SGCD: variants seen among roughly 807,000 people sequenced by gnomAD.
The protein encoded by SGCD is sarcoglycan delta.
In SGCD, 18 loss-of-function variants were observed where a neutral mutation model predicts 36.6. That is an observed-to-expected ratio of 0.49 (90% CI 0.34 to 0.73). The LOEUF (loss-of-function observed/expected upper bound fraction) is 0.73. Ranked by LOEUF, SGCD falls within the 30% of genes least tolerant of loss-of-function variation. The pLI, the probability that SGCD is intolerant of heterozygous loss-of-function variation, is 0.01. For synonymous variants in SGCD, 133 were observed against 130.6 expected, an observed-to-expected ratio of 1.02 and a Z score of -0.12; for missense variants, 387 against 346.7, an observed-to-expected ratio of 1.12 and a Z score of -0.92.
At chr5:156,746,575 C>T (rs1756946259) in intron 7 of SGCD, among the ~76,000 whole-genome samples, 1 of 152,146 alleles carries the variant, frequency 6.6e-6, no homozygotes, top group African/African-American at 2.4e-5. Context: ...AATAGATCCA[C>T]ACATATATGC....
In SGCD at chr5:155,876,924, C is replaced by A. The variant is rs146439762; in HGVS notation, c.-282+6500C>A. Among the ~76,000 whole-genome samples, 1,189 of 152,186 alleles carry A rather than the reference C, an allele frequency of 7.8e-3. 16 individuals are homozygous for A. The highest frequency in any genetic ancestry group is 0.027 in the African/African-American group (1,135 of 41,524). On this transcript the variant is annotated intron_variant, in intron 1 of 9. Transcript: ENST00000517913. ...TACTAATTAGAAAGGCTGATAAGAA[C>A]ATGGCACAGTAGAAACCAACTGATA...
At chr5:156,438,452 A>G (rs902593416) in intron 3 of SGCD, among the ~76,000 whole-genome samples, 3 of 152,214 alleles carry the variant, frequency 2.0e-5, no homozygotes, top group Middle Eastern at 3.4e-3. Flanking sequence ...TCTTTTTCAA[A>G]AGGTTGTTTT....
intron 3 of SGCD, among the ~76,000 whole-genome samples, chr5:156,414,083 A>G (rs1440977295): frequency 1.3e-5 from 2 of 152,210 alleles, no homozygotes; most frequent in African/African-American, 2.4e-5. Context: ...AGACTATAAC[A>G]TGGTGTCTTG....
At chr5:155,954,743 G>A (rs1389969977) in intron 1 of SGCD, among the ~76,000 whole-genome samples, 1 of 152,072 alleles carries the variant, frequency 6.6e-6, no homozygotes, top group Admixed American at 6.5e-5. Flanking sequence ...ACCAGAGAAA[G>A]AGAACTAACA....
chr5:155,796,618 A>G, the SGCD span, among the ~76,000 whole-genome samples: 1 of 151,932 alleles, frequency 6.6e-6, no homozygotes, highest in Non-Finnish European at 1.5e-5. Context: ...AGCCTGACCA[A>G]CATGGAGAAA....
chr5:156,609,689 A>G (rs1353190010), intron 6 of SGCD, among the ~76,000 whole-genome samples: 1 of 152,194 alleles, frequency 6.6e-6, no homozygotes, highest in Admixed American at 6.5e-5. Context: ...CACCAATCAG[A>G]CATAGATTTG....
intron 1 of SGCD, among the ~76,000 whole-genome samples, chr5:155,937,643 G>C (rs1243352466): frequency 2.6e-5 from 4 of 152,156 alleles, no homozygotes; most frequent in Non-Finnish European, 5.9e-5. Context: ...TGGATATTCA[G>C]AGCACTGTGG....
intron 3 of SGCD, among the ~76,000 whole-genome samples, chr5:156,157,515 T>C (rs536599440): frequency 6.6e-6 from 1 of 151,912 alleles, no homozygotes; most frequent in Admixed American, 6.5e-5. Context: ...ACTATTCCCT[T>C]ATTTCCACTT....
intron 3 of SGCD, among the ~76,000 whole-genome samples, chr5:156,424,679 A>G (rs1773586215): frequency 6.6e-6 from 1 of 152,082 alleles, no homozygotes. Flanking sequence ...ACATTCAGTA[A>G]TTCAAGAGGA....
intron 1 of SGCD, among the ~76,000 whole-genome samples, chr5:155,894,787 A>G (rs1756211569): frequency 6.6e-6 from 1 of 152,160 alleles, no homozygotes; most frequent in Non-Finnish European, 1.5e-5. Flanking sequence ...TTGCAGGAAA[A>G]CAAGCTCAGG....
At chr5:156,730,411 C>A (rs907563944) in intron 7 of SGCD, among the ~76,000 whole-genome samples, 1 of 152,220 alleles carries the variant, frequency 6.6e-6, no homozygotes, top group Non-Finnish European at 1.5e-5. Flanking sequence ...GCATGTTGTT[C>A]CCCTGTATGT....
At chr5:156,271,865 C>T (rs1766190909) in intron 3 of SGCD, among the ~76,000 whole-genome samples, 1 of 152,174 alleles carries the variant, frequency 6.6e-6, no homozygotes, top group African/African-American at 2.4e-5. Context: ...AGAACACCAA[C>T]ATTCTGATAA....
chr5:156,018,184 G>C (rs2127572605), intron 1 of SGCD, among the ~76,000 whole-genome samples: 1 of 152,232 alleles, frequency 6.6e-6, no homozygotes, highest in African/African-American at 2.4e-5. Context: ...TGAATGACTA[G>C]ATAAATAGAT....
chr5:156,754,095 C>T (rs1168795694), intron 7 of SGCD, among the ~76,000 whole-genome samples: 2 of 152,184 alleles, frequency 1.3e-5, no homozygotes, highest in Non-Finnish European at 2.9e-5. Context: ...TCTCACCACC[C>T]TGGTTCTTTC....
intron 3 of SGCD, among the ~76,000 whole-genome samples, chr5:156,309,219 A>G (rs1767320892): frequency 1.3e-5 from 2 of 152,240 alleles, no homozygotes; most frequent in African/African-American, 4.8e-5. Flanking sequence ...TATTTCTTCA[A>G]GTATGTTTTC....
At chr5:156,074,433 T>A (rs1760704588) in intron 1 of SGCD, among the ~76,000 whole-genome samples, 1 of 152,090 alleles carries the variant, frequency 6.6e-6, no homozygotes, top group Non-Finnish European at 1.5e-5. Flanking sequence ...TAAAAATGTG[T>A]ATTTACTTGG....
rs146763623 is a variant in SGCD at position 156,342,521 on chromosome 5, T to C, written c.4-1968T>C. On this transcript the variant is annotated intron_variant, in intron 2 of 8. Coordinates refer to ENST00000337851, the MANE Select transcript of SGCD (RefSeq NM_000337.6). ...TCATAGAATATGATCTGATGGAAAA[T>C]AAAAACCTAATTTATTTCAGGCTTA... is the stretch of plus-strand genomic sequence containing the variant. Among the ~76,000 whole-genome samples, 169 of 152,368 alleles carry C rather than the reference T, an allele frequency of 1.1e-3. 1 individual carries two copies. The highest frequency in any genetic ancestry group is 3.6e-3 in the African/African-American group (150 of 41,582).
intron 1 of SGCD, among the ~76,000 whole-genome samples, chr5:155,925,362 T>C (rs1374391083): frequency 2.0e-5 from 3 of 152,178 alleles, no homozygotes; most frequent in Non-Finnish European, 4.4e-5. Flanking sequence ...AAATGTACTC[T>C]CTCACAGTTC....
Position 156,595,027 on chromosome 5 carries a change from G to A in SGCD, c.478G>A (p.Gly160Arg), listed in dbSNP as rs2113389651. The change falls in exon 6 of 9, where the codon GGA becomes AGA. Residue 160 changes from glycine (G) to arginine (R), a missense_variant. Coordinates refer to ENST00000337851, the MANE Select transcript of SGCD (RefSeq NM_000337.6). ...TGCAGACAATAATGAAGTGGTAGTA[G>A]GAGCTGAAAGATTACGAGTTTTAGG... ...FSADNNEVVVGAERLRVLGAE... is the reference protein window; with the variant it reads ...FSADNNEVVVRAERLRVLGAE... The A allele has an allele frequency of 6.2e-7, 1 of 1,611,824 alleles. No homozygotes were observed. The highest frequency in any genetic ancestry group is 8.5e-7 in the Non-Finnish European group (1 of 1,178,522).
Sources: gnomAD v4.1 joint callset for allele counts (sites outside exome capture counted in the v4.1 genomes callset) on GRCh38, gnomAD v4.1.1 for gene constraint, MANE v1.5 for transcripts, NCBI Gene and HGNC (gene_info 2026-07-23, HGNC 2026-07-21) for gene names.